The following CEACAM21 variants were observed in gnomAD, a reference collection of about 807,000 sequenced individuals.
CEACAM21 encodes cell adhesion molecule CEACAM21.
In CEACAM21, 38 loss-of-function variants were observed where a neutral mutation model predicts 33.2. The observed-to-expected ratio is 1.14, with a 90% CI of 0.88 to 1.50. The LOEUF (loss-of-function observed/expected upper bound fraction) is 1.50. CEACAM21 is among the 40% of genes most tolerant of loss of function. CEACAM21 has a pLI of 0.00. For synonymous variants in CEACAM21, 156 were observed against 143.0 expected (o/e 1.09, Z -0.65); for missense variants, 385 against 364.6 (o/e 1.06, Z -0.46).
upstream of CEACAM21, among the ~76,000 whole-genome samples, chr19:41,575,233 T>C (rs571208509): frequency 1.3e-5 from 2 of 152,318 alleles, no homozygotes; most frequent in South Asian, 4.1e-4. Context: ...CCATTTGGTA[T>C]AATGAAGATT....
At chr19:41,586,347 A>C (rs563134717) in intron 6 of CEACAM21, 117 bp from the exon 7 acceptor site, 2 of 604,190 alleles carry the variant, frequency 3.3e-6, no homozygotes, top group East Asian at 8.3e-5. Context: ...GGGAGCAGGA[A>C]CCCCCTGAGC....
chr19:41,573,217 G>C (rs73933673), upstream of CEACAM21, among the ~76,000 whole-genome samples: 1 of 152,238 alleles, frequency 6.6e-6, no homozygotes, highest in Non-Finnish European at 1.5e-5. Context: ...AGCCGTCCCT[G>C]TCTAACCCCT....
Position 41,581,141 on chromosome 19 carries a change from A to T in CEACAM21, c.700+1513A>T, listed in dbSNP as rs1203064133. Among the ~76,000 whole-genome samples, 3 of 152,252 alleles carry T rather than the reference A, an allele frequency of 2.0e-5. No homozygotes were observed. In the East Asian group the frequency reaches 5.8e-4, roughly 29 times the overall value. On this transcript the variant is annotated intron_variant, in intron 3 of 6. Coordinates refer to ENST00000401445, the MANE Select transcript of CEACAM21 (RefSeq NM_001098506.4). ...ATGTTCATAATGGCCCTAATGCCCA[A>T]GCTGGAAGGTTATGGGTTTACAGGA...
At chr19:41,551,645 T>TG (rs1235956976) in intron 1 of CEACAM21, 2 of 151,366 alleles carry the variant, frequency 1.3e-5, no homozygotes, top group Non-Finnish European at 2.9e-5. Context: ...AGGGTGAACT[T>TG]GGGGTTTGAG....
At chr19:41,571,123 C>T (rs950837738) in intron 2 of CEACAM21, among the ~76,000 whole-genome samples, 4 of 152,144 alleles carry the variant, frequency 2.6e-5, no homozygotes, top group Admixed American at 6.5e-5. Context: ...CTCTGACAAC[C>T]AACAATGTTT....
chr19:41,555,421 T>C (rs797042984), intron 1 of CEACAM21: 9 of 151,778 alleles, frequency 5.9e-5, no homozygotes, highest in African/African-American at 2.2e-4. Context: ...GCCAATCTAG[T>C]TAGATTAGAT....
chr19:41,574,708 T>C (rs1446710434), upstream of CEACAM21, among the ~76,000 whole-genome samples: 3 of 152,192 alleles, frequency 2.0e-5, no homozygotes, highest in African/African-American at 7.2e-5. Context: ...TACAAGAATG[T>C]AGAGAAAATG....
chr19:41,552,751 C>G (rs566768145), intron 1 of CEACAM21, among the ~76,000 whole-genome samples: 1 of 152,148 alleles, frequency 6.6e-6, no homozygotes, highest in East Asian at 1.9e-4. Context: ...TCGATTTGTT[C>G]CCAGTAGCAC....
chr19:41,577,825 A>AC, intron 2 of CEACAM21, among the ~76,000 whole-genome samples: 1 of 151,898 alleles, frequency 6.6e-6, no homozygotes, highest in Non-Finnish European at 1.5e-5. Flanking sequence ...TCTCAGTCCA[A>AC]CCCCCCTTGG....
At chr19:41,566,646 A>G (rs573407264) in intron 2 of CEACAM21, among the ~76,000 whole-genome samples, 2 of 152,366 alleles carry the variant, frequency 1.3e-5, no homozygotes, top group South Asian at 4.1e-4. Context: ...TGGTTTTGGT[A>G]TCATGCTATA....
chr19:41,563,790 TG>T (rs2042058767), intron 1 of CEACAM21, among the ~76,000 whole-genome samples: 1 of 152,224 alleles, frequency 6.6e-6, no homozygotes, highest in Admixed American at 6.5e-5. Flanking sequence ...GCCATTTCCC[TG>T]GACAAGGGGC....
At chr19:41,550,371 G>A (rs1261091729) in intron 1 of CEACAM21, 1 of 152,208 alleles carries the variant, frequency 6.6e-6, no homozygotes, top group Non-Finnish European at 1.5e-5. Flanking sequence ...AATATGAACC[G>A]AGTTTGTGGA....
At chr19:41,586,120 C>G in intron 6 of CEACAM21, 1 of 605,730 alleles carries the variant, frequency 1.7e-6, no homozygotes, top group Non-Finnish European at 2.9e-6. Flanking sequence ...GGAATCCTTC[C>G]CTGTCCCCTG....
At chr19:41,560,971 C>A (rs1263870572) in intron 1 of CEACAM21, among the ~76,000 whole-genome samples, 1 of 151,538 alleles carries the variant, frequency 6.6e-6, no homozygotes, top group Non-Finnish European at 1.5e-5. Context: ...TGCAGCAAGA[C>A]AAAAATATAA....
intron 1 of CEACAM21, chr19:41,550,086 C>T (rs1219527023): frequency 6.6e-6 from 1 of 152,120 alleles, no homozygotes; most frequent in Non-Finnish European, 1.5e-5. Context: ...ATCTAATCAA[C>T]CAACTGTTGA....
rs529306542 is a variant in CEACAM21, at chr19:41,562,309, G to GA, written c.-778-2363dup. On this transcript the variant is annotated intron_variant, in intron 1 of 7. Transcript: ENST00000407170. ...ACACTATAAAGAAAGTTTTTTTTAA[G>GA]AAAAAAAAAAGAAGAAGAAGACACA... Among the ~76,000 whole-genome samples, 585 of 146,148 alleles carry GA rather than the reference G, an allele frequency of 4.0e-3. 5 individuals are homozygous for GA. The highest frequency in any genetic ancestry group is 0.013 in the African/African-American group (516 of 39,848).
intron 1 of CEACAM21, 76 bp downstream of exon 1, chr19:41,576,414 G>T: frequency 6.8e-7 from 1 of 1,463,782 alleles, no homozygotes; most frequent in Non-Finnish European, 9.2e-7. Context: ...GGGAGGATGG[G>T]GCTCTGAGAG....
intron 2 of CEACAM21, among the ~76,000 whole-genome samples, chr19:41,566,822 T>C (rs2042293499): frequency 1.3e-5 from 2 of 152,232 alleles, no homozygotes; most frequent in African/African-American, 4.8e-5. Context: ...ACTGTCTTTT[T>C]AATTGCTTTA....
At chr19:41,585,961 CACCCT>C (rs2070707636) in intron 6 of CEACAM21, 90 bp downstream of exon 6, 2 of 1,335,998 alleles carry the variant, frequency 1.5e-6, no homozygotes, top group East Asian at 4.8e-5. Flanking sequence ...AGCACAAACC[CACCCT>C]ACCCAGAATG....
Sources: gnomAD v4.1 joint callset for allele counts (sites outside exome capture counted in the v4.1 genomes callset) on GRCh38, gnomAD v4.1.1 for gene constraint, MANE v1.5 for transcripts, NCBI Gene and HGNC (gene_info 2026-07-23, HGNC 2026-07-21) for gene names.